The following ASAP1 variants were observed in gnomAD, a reference collection of about 807,000 sequenced individuals.
ASAP1 encodes ArfGAP with SH3 domain, ankyrin repeat and PH domain 1, also known as arf-GAP with SH3 domain, ANK repeat and PH domain-containing protein 1.
In ASAP1, 43 loss-of-function variants were observed where a neutral mutation model predicts 145.2. The ratio of observed to expected loss-of-function variants is 0.30; its 90% CI spans 0.23 to 0.38. The LOEUF (loss-of-function observed/expected upper bound fraction) is 0.38. Among genes scored for constraint, ASAP1 ranks in the 10% least tolerant of loss-of-function variants. The probability of loss-of-function intolerance (pLI) is 1.00; values close to 1 mark genes in which losing one functional copy is unlikely to be tolerated. For missense variants in ASAP1, 1,018 were observed against 1,355.3 expected, an observed-to-expected ratio of 0.75 and a Z score of 3.91; for synonymous variants, 546 against 515.5, an observed-to-expected ratio of 1.06 and a Z score of -0.80.
intron 1 of ASAP1, among the ~76,000 whole-genome samples, chr8:130,419,563 A>T (rs1168134110): frequency 6.6e-6 from 1 of 152,184 alleles, no homozygotes; most frequent in African/African-American, 2.4e-5. Flanking sequence ...GAAGCTGCGC[A>T]GCCACTGTGC....
chr8:130,306,493 A>G (rs1823000787), intron 3 of ASAP1, among the ~76,000 whole-genome samples: 1 of 152,224 alleles, frequency 6.6e-6, no homozygotes, highest in Non-Finnish European at 1.5e-5. Context: ...ATCCATTGAC[A>G]TTAACATAAA....
Position 130,118,256 on chromosome 8 carries a change from G to C in ASAP1, c.1795-10C>G. On this transcript the variant is annotated splice_polypyrimidine_tract_variant and intron_variant, in intron 19 of 29. Transcript: ENST00000518721. The stretch of plus-strand genomic sequence containing the variant: ...CTGTCTCCCCAAGCTCCTAAAAAGG[G>C]AAAGAAAAGTATAAGTAAGTCAATA... 1 of 1,612,970 alleles carries C rather than the reference G, an allele frequency of 6.2e-7. No homozygotes were observed. The highest frequency in any genetic ancestry group is 8.5e-7 in the Non-Finnish European group (1 of 1,179,250).
intron 3 of ASAP1, among the ~76,000 whole-genome samples, chr8:130,256,747 A>G (rs1363392332): frequency 3.0e-5 from 1 of 33,608 alleles, no homozygotes; most frequent in African/African-American, 1.1e-4. Flanking sequence ...TCTTATATAT[A>G]TATATATATA....
chr8:130,370,714 C>A (rs1827173330), intron 2 of ASAP1, among the ~76,000 whole-genome samples: 1 of 152,212 alleles, frequency 6.6e-6, no homozygotes, highest in South Asian at 2.1e-4. Flanking sequence ...GAATATTATT[C>A]AGCCATAAAG....
intron 1 of ASAP1, among the ~76,000 whole-genome samples, chr8:130,427,528 AT>A (rs1829967342): frequency 6.6e-6 from 1 of 152,156 alleles, no homozygotes; most frequent in South Asian, 2.1e-4. Flanking sequence ...TAAAATCCCA[AT>A]TTAATCTCCA....
chr8:130,095,086 C>T (rs771311308), intron 24 of ASAP1, among the ~76,000 whole-genome samples: 9 of 152,044 alleles, frequency 5.9e-5, no homozygotes, highest in Non-Finnish European at 8.8e-5. Context: ...AGTAATTGTG[C>T]GTCCCATGCC....
intron 27 of ASAP1, among the ~76,000 whole-genome samples, chr8:130,074,238 AT>A (rs1466130094): frequency 6.6e-6 from 1 of 152,134 alleles, no homozygotes; most frequent in African/African-American, 2.4e-5. Flanking sequence ...AGAATTGCGT[AT>A]GTATGAAATT....
chr8:130,148,372 T>C (rs1286063966), intron 13 of ASAP1, among the ~76,000 whole-genome samples: 1 of 152,254 alleles, frequency 6.6e-6, no homozygotes, highest in Non-Finnish European at 1.5e-5. Flanking sequence ...AAGTATTCAC[T>C]GAGCACTAAG....
At chr8:130,220,400 GTACTAT>G (rs1817218289) in intron 4 of ASAP1, among the ~76,000 whole-genome samples, 1 of 152,134 alleles carries the variant, frequency 6.6e-6, no homozygotes, top group African/African-American at 2.4e-5. Flanking sequence ...CATGAGATAA[GTACTAT>G]TACCATCCTC....
rs1256964219 is a variant in ASAP1, at chr8:130,124,004, A to C, written c.1607+9T>G. On this transcript the variant is annotated intron_variant, in intron 18 of 29. Coordinates refer to ENST00000518721, the MANE Select transcript of ASAP1 (RefSeq NM_018482.4). ...GTTTAAAAAAGTTCAATATATCAGA[A>C]ATACTTACATATCACTTGAAGGGGT... 1.1e-5 allele frequency: 18 copies of C among 1,592,722 alleles called. No individual in the cohort carries two copies. The highest frequency in any genetic ancestry group is 1.5e-5 in the Non-Finnish European group (18 of 1,164,968).
At chr8:130,435,642 C>A (rs1830286920) in intron 1 of ASAP1, among the ~76,000 whole-genome samples, 1 of 152,178 alleles carries the variant, frequency 6.6e-6, no homozygotes, top group Non-Finnish European at 1.5e-5. Context: ...CTGGTTGCAA[C>A]TTGGTGTCTC....
intron 3 of ASAP1, among the ~76,000 whole-genome samples, chr8:130,262,457 A>T (rs140364301): frequency 0.36 from 44,714 of 125,522 alleles, 8,707 homozygotes; most frequent in East Asian, 0.63. Flanking sequence ...AGAGAGAGAG[A>T]ACCTGTGGAA....
chr8:130,102,537 G>A (rs150898274), intron 24 of ASAP1, among the ~76,000 whole-genome samples: 7 of 152,310 alleles, frequency 4.6e-5, no homozygotes, highest in African/African-American at 1.7e-4. Context: ...CGTTCCACAA[G>A]AATATTGGCT....
At chr8:130,080,409 G>A (rs915595535) in intron 25 of ASAP1, among the ~76,000 whole-genome samples, 1 of 151,928 alleles carries the variant, frequency 6.6e-6, no homozygotes, top group Non-Finnish European at 1.5e-5. Flanking sequence ...CATTAGCAGG[G>A]TGGTGGATAA....
chr8:130,283,579 C>A, intron 3 of ASAP1, among the ~76,000 whole-genome samples: 1 of 38,512 alleles, frequency 2.6e-5, no homozygotes, highest in Non-Finnish European at 3.9e-5. Flanking sequence ...AAGACTCCAT[C>A]ACAGAAAGAA....
chr8:130,168,952 G>C (rs1030985555), intron 10 of ASAP1, 40 bp downstream of exon 10: 2 of 1,223,864 alleles, frequency 1.6e-6, no homozygotes, highest in Non-Finnish European at 2.3e-6. Context: ...ACTTATCCAT[G>C]AAAGCAAGTT....
At chr8:130,092,181 C>T in intron 24 of ASAP1, 38 bp from the exon 25 acceptor site, 7 of 1,546,802 alleles carry the variant, frequency 4.5e-6, no homozygotes, top group Non-Finnish European at 6.1e-6. Context: ...AAGATTAATC[C>T]CAGTCTCACA....
intron 3 of ASAP1, among the ~76,000 whole-genome samples, chr8:130,340,297 G>A (rs1010128736): frequency 2.0e-5 from 3 of 152,214 alleles, no homozygotes; most frequent in Non-Finnish European, 4.4e-5. Context: ...AGAGGAAGAA[G>A]ACAGGGCTCT....
rs750052708 is a variant in ASAP1 at position 130,257,624 on chromosome 8, G to A, written c.187-20630C>T. ...CAACTAGCCCAATTAATGCTGTTGC[G>A]AAAAAAAGGGATCTACAGTCGGTAA... On this transcript the variant is annotated intron_variant, in intron 3 of 29. Transcript: ENST00000518721. Among the ~76,000 whole-genome samples, 8 of 151,870 alleles carry A rather than the reference G, an allele frequency of 5.3e-5. No homozygotes were observed. In the East Asian group the frequency reaches 5.8e-4, roughly 11 times the overall value.
Sources: gnomAD v4.1 joint callset for allele counts (sites outside exome capture counted in the v4.1 genomes callset) on GRCh38, gnomAD v4.1.1 for gene constraint, MANE v1.5 for transcripts, NCBI Gene and HGNC (gene_info 2026-07-23, HGNC 2026-07-21) for gene names.